Variants in CNTLN observed in about 807,000 individuals in gnomAD.
CNTLN encodes the protein centlein, centrosomal protein.
CNTLN carries 212 observed loss-of-function variants against 180.0 expected under a neutral mutation model. The observed-to-expected ratio is 1.18, with a 90% CI of 1.05 to 1.32. The LOEUF (loss-of-function observed/expected upper bound fraction) is 1.32. Ranked by LOEUF, CNTLN falls within the 40% of genes most tolerant of loss-of-function variation. The pLI, the probability that CNTLN is intolerant of heterozygous loss-of-function variation, is 0.00. For synonymous variants in CNTLN, 722 were observed against 563.1 expected, an observed-to-expected ratio of 1.28 and a Z score of -3.99; for missense variants, 2,095 against 1,610.9, an observed-to-expected ratio of 1.30 and a Z score of -5.14.
At chr9:17,403,251 G>A (rs1158282370) in intron 15 of CNTLN, among the ~76,000 whole-genome samples, 1 of 151,778 alleles carries the variant, frequency 6.6e-6, no homozygotes, top group Non-Finnish European at 1.5e-5. Flanking sequence ...CTGAGGGCTT[G>A]CTTAATGGGT....
chr9:17,259,112 G>A (rs1422986240), intron 5 of CNTLN, among the ~76,000 whole-genome samples: 3 of 143,376 alleles, frequency 2.1e-5, no homozygotes, highest in Admixed American at 7.0e-5. Flanking sequence ...CTGTGGGTTT[G>A]TCATAGATAG....
chr9:17,431,913 T>A (rs1346946940), intron 18 of CNTLN, among the ~76,000 whole-genome samples: 1 of 152,162 alleles, frequency 6.6e-6, no homozygotes, highest in African/African-American at 2.4e-5. Context: ...CTAGGAAGCA[T>A]CTTATTAAAG....
At chr9:17,198,348 G>T (rs1321551723) in intron 2 of CNTLN, among the ~76,000 whole-genome samples, 1 of 146,452 alleles carries the variant, frequency 6.8e-6, no homozygotes, top group Non-Finnish European at 1.5e-5. Flanking sequence ...TAATAATATT[G>T]ATTCGTCCAA....
intron 20 of CNTLN, 72 bp downstream of exon 20, chr9:17,463,085 C>T: frequency 1.2e-6 from 1 of 803,606 alleles, no homozygotes. Flanking sequence ...AAACGTGCTC[C>T]AAGAAACTGC....
At chr9:17,217,927 T>C (rs1291855290) in intron 2 of CNTLN, among the ~76,000 whole-genome samples, 1 of 152,120 alleles carries the variant, frequency 6.6e-6, no homozygotes, top group East Asian at 1.9e-4. Context: ...ATATAAAGAG[T>C]ATCTGATCTT....
At chr9:17,365,696 A>G (rs145222693) in intron 12 of CNTLN, among the ~76,000 whole-genome samples, 1,679 of 152,290 alleles carry the variant, frequency 0.011, 19 homozygotes, top group Middle Eastern at 0.017. Context: ...GTTGTGGCTC[A>G]TGCCTGTGAT....
chr9:17,334,013 A>G lies in CNTLN; in HGVS notation c.1644+1283A>G, dbSNP rs113406664. ...AATGTGTGGTTAGGCACAGGATATT[A>G]TGGGCATTTTTGAGGAGCAAGTCTA... On this transcript the variant is annotated intron_variant, in intron 10 of 25. Transcript: ENST00000380647. Among the ~76,000 whole-genome samples the G allele has an allele frequency of 5.3e-5, 8 of 152,254 alleles. 1 individual carries two copies. Among genetic ancestry groups the G allele is most frequent in the African/African-American group, 1.9e-4 (8 of 41,546 alleles).
chr9:17,393,655 A>G (rs752297688), intron 14 of CNTLN, among the ~76,000 whole-genome samples: 4 of 152,164 alleles, frequency 2.6e-5, no homozygotes, highest in Non-Finnish European at 5.9e-5. Flanking sequence ...GTCAGAAGAG[A>G]TCATGTTGAT....
At chr9:17,217,946 C>A (rs78460750) in intron 2 of CNTLN, among the ~76,000 whole-genome samples, 7,048 of 152,060 alleles carry the variant, frequency 0.046, 435 homozygotes, top group African/African-American at 0.14. Context: ...TTATTTAATA[C>A]TATATTTAAT....
intron 2 of CNTLN, among the ~76,000 whole-genome samples, chr9:17,155,313 G>A (rs1432167578): frequency 6.6e-6 from 1 of 152,182 alleles, no homozygotes; most frequent in Non-Finnish European, 1.5e-5. Context: ...GGGAGTCAGG[G>A]ACCCATTTGA....
At chr9:17,246,538 C>A (rs974349562) in intron 5 of CNTLN, among the ~76,000 whole-genome samples, 2 of 152,182 alleles carry the variant, frequency 1.3e-5, no homozygotes, top group Non-Finnish European at 2.9e-5. Context: ...CCCATGGATA[C>A]CACTGTGTGG....
chr9:17,524,692 A>G, the CNTLN span, among the ~76,000 whole-genome samples: 1 of 152,220 alleles, frequency 6.6e-6, no homozygotes, highest in Non-Finnish European at 1.5e-5. Context: ...TAAGAACTTG[A>G]CTATTTGTTG....
chr9:17,249,461 G>T (rs1445210384), intron 5 of CNTLN, among the ~76,000 whole-genome samples: 1 of 148,920 alleles, frequency 6.7e-6, no homozygotes, highest in Non-Finnish European at 1.5e-5. Context: ...CCATTCTCCT[G>T]CTTCAGCCTC....
At chr9:17,313,875 C>T (rs1477501703) in intron 8 of CNTLN, among the ~76,000 whole-genome samples, 1 of 152,030 alleles carries the variant, frequency 6.6e-6, no homozygotes, top group African/African-American at 2.4e-5. Context: ...CTGCTCACTG[C>T]AATCTCTGCC....
intron 3 of CNTLN, among the ~76,000 whole-genome samples, chr9:17,234,184 C>T (rs775269197): frequency 7.2e-5 from 11 of 152,088 alleles, no homozygotes; most frequent in South Asian, 2.1e-4. Context: ...GGGTTGGGCA[C>T]GGTGGCTCAC....
Position 17,409,308 on chromosome 9 carries a change from A to G in CNTLN, c.2631A>G (p.Ala877=). Residue 877 remains alanine, a synonymous_variant, in exon 16 of 26, where the codon GCA becomes GCG. Transcript: ENST00000380647. ...DVSESSSDSE[A]QTSQTLGTII... ...TTCTAAAAAGCAGTGATTCTGAAGC[A>G]CAGACCTCTCAAACTTTGGGAACAA... The G allele has an allele frequency of 1.2e-6, 2 of 1,612,558 alleles. No individual in the cohort carries two copies. Among genetic ancestry groups the G allele is most frequent in the Non-Finnish European group, 1.7e-6 (2 of 1,179,482 alleles).
intron 2 of CNTLN, among the ~76,000 whole-genome samples, chr9:17,161,832 A>G (rs1310764277): frequency 6.6e-6 from 1 of 152,214 alleles, no homozygotes. Context: ...GAAGTGAATT[A>G]CTGTGTTTCT....
chr9:17,284,822 T>A (rs1040090444), intron 6 of CNTLN, among the ~76,000 whole-genome samples: 5 of 152,054 alleles, frequency 3.3e-5, no homozygotes, highest in Non-Finnish European at 5.9e-5. Flanking sequence ...TTGCTCTTGG[T>A]TCTCTATTTC....
chr9:17,194,691 A>T (rs1045128227), intron 2 of CNTLN, among the ~76,000 whole-genome samples: 1 of 152,184 alleles, frequency 6.6e-6, no homozygotes, highest in Non-Finnish European at 1.5e-5. Context: ...TTTGTTACCC[A>T]GTTCAAAGTC....
Sources: allele counts gnomAD v4.1 joint callset (sites outside exome capture counted in the v4.1 genomes callset), GRCh38; gene constraint gnomAD v4.1.1; transcripts MANE v1.5; gene names NCBI Gene and HGNC (gene_info 2026-07-23, HGNC 2026-07-21).